Variants in SPEN observed in about 807,000 individuals in gnomAD.
SPEN encodes the protein msx2-interacting protein.
Under a neutral mutation model 269.9 loss-of-function variants are expected in SPEN, and 18 were observed. The ratio of observed to expected loss-of-function variants is 0.07; its 90% CI spans 0.05 to 0.10. The LOEUF is 0.10. Among genes scored for constraint, SPEN ranks in the 10% least tolerant of loss-of-function variants. The pLI, the probability that SPEN is intolerant of heterozygous loss-of-function variation, is 1.00. For synonymous variants in SPEN, 1,726 were observed against 1,765.7 expected (o/e 0.98, Z 0.56); for missense variants, 3,822 against 4,631.2 (o/e 0.83, Z 5.07).
chr1:15,916,930 C>T (rs544953808), intron 6 of SPEN, among the ~76,000 whole-genome samples: 17 of 152,078 alleles, frequency 1.1e-4, no homozygotes, highest in Non-Finnish European at 2.1e-4. Flanking sequence ...AAGTTTAAGC[C>T]CAGCCTGGGC....
intron 10 of SPEN, among the ~76,000 whole-genome samples, chr1:15,923,743 T>C (rs1229078919): frequency 2.6e-5 from 4 of 152,034 alleles, no homozygotes; most frequent in African/African-American, 7.2e-5. Flanking sequence ...GATATTGGCT[T>C]ACTGCAACCT....
At chr1:15,879,780 T>C (rs2070669137) in intron 3 of SPEN, among the ~76,000 whole-genome samples, 1 of 151,904 alleles carries the variant, frequency 6.6e-6, no homozygotes. Context: ...ACGCCATTCT[T>C]CTGCCTCAGC....
Position 15,931,086 on chromosome 1 carries a change from C to G in SPEN, c.4846C>G (p.His1616Asp). Residue 1616 changes from histidine (H) to aspartate (D), a missense_variant, in exon 11 of 15, where the codon CAT becomes GAT. His to Asp is a moderately conservative substitution (Grantham distance 81). Around this residue, in one of 16 missense-constraint regions of SPEN, gnomAD observed 533 missense variants for 618.8 expected, o/e 0.86. Coordinates refer to ENST00000375759, the MANE Select transcript of SPEN (RefSeq NM_015001.3). This position sits in a 1 kb window ranked among gnomAD's most constrained non-coding sequence, Gnocchi z 4.8. ...EVEKQEDTEN[H>D]PKTPESAPEN... Reference sequence around the variant, plus strand: ...TGAGAAACAGGAAGATACAGAGAATCATCCCAAGACCCCAGAATCTGCTCC... The same window carrying G: ...TGAGAAACAGGAAGATACAGAGAATGATCCCAAGACCCCAGAATCTGCTCC... 1 of 1,613,968 alleles carries G rather than the reference C, an allele frequency of 6.2e-7. No homozygotes were observed. The highest frequency in any genetic ancestry group is 1.1e-5 in the South Asian group (1 of 91,022).
intron 3 of SPEN, 170 bp downstream of exon 3, chr1:15,876,848 A>G (rs1336565614): frequency 1.6e-6 from 1 of 607,258 alleles, no homozygotes; most frequent in African/African-American, 1.9e-5. Context: ...TGTTCTAAGT[A>G]CTCGAAGTTA....
Position 15,848,182 on chromosome 1 carries a change from C to G in SPEN, c.83+32C>G. The stretch of plus-strand genomic sequence containing the variant: ...GACACGAGGCCCGCGGCCGCGCTCG[C>G]TCCTCGGGCGCCGCTTCCCGCCCCG... On this transcript the variant is annotated intron_variant, in intron 1 of 14. Coordinates refer to ENST00000375759, the MANE Select transcript of SPEN (RefSeq NM_015001.3). This position sits in a 1 kb window ranked among gnomAD's most constrained non-coding sequence, Gnocchi z 5.1. 1 of 1,404,632 alleles carries G rather than the reference C, an allele frequency of 7.1e-7. No homozygotes were observed. Among genetic ancestry groups the G allele is most frequent in the African/African-American group, 1.5e-5 (1 of 67,222 alleles). 87.0% of individuals were successfully genotyped at this position (1,404,632 alleles called of 1,614,324 possible).
intron 3 of SPEN, among the ~76,000 whole-genome samples, chr1:15,882,311 T>TGGGG (rs1449934637): frequency 2.6e-5 from 4 of 152,170 alleles, no homozygotes; most frequent in African/African-American, 4.8e-5. Context: ...AAGTTGAACA[T>TGGGG]ACTTTATTTC....
chr1:15,858,777 AAAAC>A (rs1302743664), intron 1 of SPEN, among the ~76,000 whole-genome samples: 6 of 152,020 alleles, frequency 3.9e-5, no homozygotes, highest in Non-Finnish European at 5.9e-5. Flanking sequence ...TGTAAAAACA[AAAAC>A]AAACAAACAA....
chr1:15,930,786 AAAG>A lies in SPEN; in HGVS notation c.4554_4556del (p.Glu1519del), dbSNP rs767260229. 3.2e-5 allele frequency: 51 copies of A among 1,614,174 alleles called. No homozygotes were observed. The highest frequency in any genetic ancestry group is 4.1e-5 in the Non-Finnish European group (48 of 1,180,010). ...AATGGATGATAAGAAAGAGGACCATAAAGAAGAAGAGCAAGAGAGGCAGGAATT... is the reference window on the plus strand; with the variant it reads ...AATGGATGATAAGAAAGAGGACCATAAAGAAGAGCAAGAGAGGCAGGAATT... On this transcript the variant is annotated inframe_deletion, in exon 11 of 15. Coordinates refer to ENST00000375759, the MANE Select transcript of SPEN (RefSeq NM_015001.3). The surrounding 1 kb of genome is among the most constrained non-coding windows in gnomAD (Gnocchi z 5.3).
chr1:15,857,780 C>A (rs900695193), intron 1 of SPEN, among the ~76,000 whole-genome samples: 1 of 152,042 alleles, frequency 6.6e-6, no homozygotes. Flanking sequence ...CCCACCTTAG[C>A]CTTCTCAGTA....
intron 5 of SPEN, among the ~76,000 whole-genome samples, chr1:15,911,776 C>A (rs985330340): frequency 6.6e-6 from 1 of 152,110 alleles, no homozygotes; most frequent in African/African-American, 2.4e-5. Flanking sequence ...GCCTGGCCAA[C>A]ATGGTGAAAC....
Position 15,847,971 on chromosome 1 carries a change from C to T in SPEN, c.-97C>T. The T allele has an allele frequency of 1.3e-6, 1 of 741,028 alleles. No individual in the cohort carries two copies. Among genetic ancestry groups the T allele is most frequent in the South Asian group, 6.5e-5 (1 of 15,434 alleles). 45.9% of individuals were successfully genotyped at this position (741,028 alleles called of 1,614,324 possible). ...GCCGACGCCACCGCCGCAGCCGCCG[C>T]CGCCGCCGCCCCGGCACCCGCCTCC... is the stretch of plus-strand genomic sequence containing the variant. On this transcript the variant is annotated 5_prime_UTR_variant, in exon 1 of 15. Transcript: ENST00000375759.
chr1:15,919,757 A>G (rs1343240794), intron 8 of SPEN, among the ~76,000 whole-genome samples: 2 of 152,252 alleles, frequency 1.3e-5, no homozygotes, highest in East Asian at 3.8e-4. Flanking sequence ...CTCATAGTAT[A>G]AATAGAATGA....
Position 15,909,433 on chromosome 1 carries a change from C to T in SPEN, c.994C>T (p.Arg332Cys), listed in dbSNP as rs755302603. 4 of 1,614,006 alleles carry T rather than the reference C, an allele frequency of 2.5e-6. No individual in the cohort carries two copies. The highest frequency in any genetic ancestry group is 1.1e-5 in the South Asian group (1 of 91,082). The change falls in exon 4 of 15, where the codon CGT (arginine) becomes TGT (cysteine). Residue 332 changes from arginine (R) to cysteine (C), a missense_variant. This residue lies in a region of SPEN where 230 missense variants were observed against 426.1 expected (regional missense o/e 0.54). Transcript: ENST00000375759. ...LLSSLEKDEPRKSFGIKVQNL... is the reference protein window; with the variant it reads ...LLSSLEKDEPCKSFGIKVQNL... ...TTCATCTCTGGAAAAAGATGAGCCC[C>T]GTAAAAGTTTTGGCATCAAGGTCCA... is the stretch of plus-strand genomic sequence containing the variant.
chr1:15,896,381 A>G (rs2070842715), intron 3 of SPEN, among the ~76,000 whole-genome samples: 1 of 151,610 alleles, frequency 6.6e-6, no homozygotes, highest in Non-Finnish European at 1.5e-5. Flanking sequence ...TTATTTGTAG[A>G]GACGTGGTTT....
intron 3 of SPEN, among the ~76,000 whole-genome samples, chr1:15,905,121 C>G (rs567160999): frequency 6.6e-6 from 1 of 152,066 alleles, no homozygotes; most frequent in Non-Finnish European, 1.5e-5. Flanking sequence ...CTCCTGACCT[C>G]AGGTAATCTA....
At chr1:15,921,364 T>C (rs1297164790) in intron 9 of SPEN, among the ~76,000 whole-genome samples, 1 of 152,066 alleles carries the variant, frequency 6.6e-6, no homozygotes, top group Non-Finnish European at 1.5e-5. Flanking sequence ...ATAACTAGCA[T>C]TTTGTAGGCT....
At position 15,931,522 on chromosome 1, in the gene SPEN, A is replaced by G; in HGVS notation, c.5282A>G (p.Lys1761Arg). The change falls in exon 11 of 15, where the codon AAA (lysine) becomes AGA (arginine). Residue 1761 changes from lysine to arginine, a missense_variant. This residue lies in a region of SPEN where 533 missense variants were observed against 618.8 expected (regional missense o/e 0.86). Transcript: ENST00000375759. The surrounding 1 kb of genome is among the most constrained non-coding windows in gnomAD (Gnocchi z 4.8). ...PEPDSTQPLS[K>R]PAQKSEEANE... ...CCTGACAGTACCCAGCCACTTTCAA[A>G]ACCAGCTCAGAAGTCTGAGGAAGCC... 6.2e-7 allele frequency: 1 copy of G among 1,614,122 alleles called. No homozygotes were observed.
Position 15,937,103 on chromosome 1 carries a change from T to G in SPEN, c.10027-60T>G, listed in dbSNP as rs2148744654. 1.3e-6 allele frequency: 2 copies of G among 1,557,258 alleles called. No homozygotes were observed. Among genetic ancestry groups the G allele is most frequent in the Non-Finnish European group, 1.7e-6 (2 of 1,148,434 alleles). ...TGTGGCCCTTTGGGTCATTTGTTGG[T>G]CTCAGGGGCTTGTGCACAACAGACT... On this transcript the variant is annotated intron_variant, in intron 11 of 14. Coordinates refer to ENST00000375759, the MANE Select transcript of SPEN (RefSeq NM_015001.3). This position sits in a 1 kb window ranked among gnomAD's most constrained non-coding sequence, Gnocchi z 5.7.
chr1:15,929,571 C>T lies in SPEN; in HGVS notation c.3331C>T (p.Pro1111Ser), dbSNP rs2071201446. 1.2e-6 allele frequency: 2 copies of T among 1,613,948 alleles called. No individual in the cohort carries two copies. The highest frequency in any genetic ancestry group is 1.3e-5 in the African/African-American group (1 of 74,918). Residue 1111 changes from proline to serine, a missense_variant, in exon 11 of 15, where the codon CCA becomes TCA. Coordinates refer to ENST00000375759, the MANE Select transcript of SPEN (RefSeq NM_015001.3). The surrounding 1 kb of genome is among the most constrained non-coding windows in gnomAD (Gnocchi z 5.8). ...VQSKKPIPSK[P>S]QLKQLQVLDD... Reference sequence around the variant, plus strand: ...ATCAAAAAAGCCCATTCCCTCAAAACCACAGCTCAAACAGCTGCAGGTATT... The same window carrying T: ...ATCAAAAAAGCCCATTCCCTCAAAATCACAGCTCAAACAGCTGCAGGTATT...
Sources: allele counts gnomAD v4.1 joint callset (sites outside exome capture counted in the v4.1 genomes callset), GRCh38; gene constraint gnomAD v4.1.1; regional missense constraint gnomAD v4.1.1; non-coding constraint Gnocchi (gnomAD v3.1); transcripts MANE v1.5; gene names NCBI Gene and HGNC (gene_info 2026-07-23, HGNC 2026-07-21).